The following BCL2 variants were observed in gnomAD, a reference collection of about 807,000 sequenced individuals.
BCL2 encodes apoptosis regulator Bcl-2.
BCL2 carries 1 observed loss-of-function variant against 14.2 expected under a neutral mutation model. That is an observed-to-expected ratio of 0.07 (90% CI 0.02 to 0.33). The LOEUF (loss-of-function observed/expected upper bound fraction) is 0.33. Ranked by LOEUF, BCL2 falls within the 10% of genes least tolerant of loss-of-function variation. The pLI, the probability that BCL2 is intolerant of heterozygous loss-of-function variation, is 0.99. For synonymous variants in BCL2, 151 were observed against 137.2 expected, an observed-to-expected ratio of 1.10 and a Z score of -0.70; for missense variants, 247 against 305.9, an observed-to-expected ratio of 0.81 and a Z score of 1.44.
intron 2 of BCL2, among the ~76,000 whole-genome samples, chr18:63,130,013 A>C (rs780832183): frequency 1.3e-5 from 2 of 152,132 alleles, no homozygotes; most frequent in Non-Finnish European, 2.9e-5. Flanking sequence ...TTCCATTCCT[A>C]TCTCTCCATC....
chr18:63,257,009 G>C (rs1159022096), intron 2 of BCL2, among the ~76,000 whole-genome samples: 1 of 152,200 alleles, frequency 6.6e-6, no homozygotes, highest in East Asian at 1.9e-4. Flanking sequence ...TTTTAAAATT[G>C]TGTAACTTAT....
chr18:63,216,394 GT>G (rs1413199779), intron 2 of BCL2, among the ~76,000 whole-genome samples: 8 of 96,284 alleles, frequency 8.3e-5, no homozygotes, highest in Non-Finnish European at 1.2e-4. Context: ...GGCCTTAAAT[GT>G]TTTCTAAAAA....
intron 2 of BCL2, among the ~76,000 whole-genome samples, chr18:63,266,128 C>T (rs763950631): frequency 1.3e-5 from 2 of 151,934 alleles, no homozygotes; most frequent in African/African-American, 2.4e-5. Flanking sequence ...CTAATCTCTG[C>T]GGCACTGATT....
intron 2 of BCL2, among the ~76,000 whole-genome samples, chr18:63,235,880 A>C (rs939054811): frequency 1.3e-5 from 2 of 151,888 alleles, no homozygotes; most frequent in African/African-American, 4.8e-5. Context: ...CTATATATAT[A>C]TATTTTTAAA....
rs1914586017 is a variant in BCL2 at position 63,149,260 on chromosome 18, G to T, written c.586-20501C>A. On this transcript the variant is annotated intron_variant, in intron 2 of 2. Transcript: ENST00000333681. The surrounding 1 kb of genome is among the most constrained non-coding windows in gnomAD (Gnocchi z 4.2). ...TCCAACACAGATCATCAGGCATTCG[G>T]TTCCCATAAGGAGCACACAACCTAG... 6.6e-6 allele frequency among the ~76,000 whole-genome samples: 1 copy of T among 152,192 alleles called. No homozygotes were observed. The highest frequency in any genetic ancestry group is 1.5e-5 in the Non-Finnish European group (1 of 68,048).
intron 2 of BCL2, among the ~76,000 whole-genome samples, chr18:63,260,703 T>C (rs1002590538): frequency 7.5e-5 from 10 of 133,300 alleles, no homozygotes; most frequent in African/African-American, 2.5e-4. Flanking sequence ...ATTTTAAAAA[T>C]GGAAAAAAAA....
At position 63,149,868 on chromosome 18, in the gene BCL2, T is replaced by TA. The variant is rs1011414230; in HGVS notation, c.586-21110dup. ...GCATTTATTTATTTATTTATTTATT[T>TA]ATTTATTTATTTATTTATTTATTTT... is the stretch of plus-strand genomic sequence containing the variant. On this transcript the variant is annotated intron_variant, in intron 2 of 2. Coordinates refer to ENST00000333681, the MANE Select transcript of BCL2 (RefSeq NM_000633.3). The surrounding 1 kb of genome is among the most constrained non-coding windows in gnomAD (Gnocchi z 4.2). 5.9e-5 allele frequency among the ~76,000 whole-genome samples: 9 copies of TA among 151,354 alleles called. No individual in the cohort carries two copies. Among genetic ancestry groups the TA allele is most frequent in the Non-Finnish European group, 1.0e-4 (7 of 67,872 alleles).
rs567906104 is a variant in BCL2 at position 63,289,757 on chromosome 18, G to A, written c.585+28325C>T. Among the ~76,000 whole-genome samples the A allele has an allele frequency of 9.9e-5, 15 of 152,246 alleles. No homozygotes were observed. In the South Asian group the frequency reaches 2.7e-3, roughly 27 times the overall value. On this transcript the variant is annotated intron_variant, in intron 2 of 2. Transcript: ENST00000333681. The stretch of plus-strand genomic sequence containing the variant: ...AAAAATACAAAAATTAGCCAGGCAT[G>A]GTGGTGCATGCCTGTAATCCTAGCT...
At chr18:63,137,154 T>C (rs1914228413) in intron 2 of BCL2, among the ~76,000 whole-genome samples, 1 of 152,276 alleles carries the variant, frequency 6.6e-6, no homozygotes, top group Admixed American at 6.5e-5. Flanking sequence ...GGCTCCAACC[T>C]AGTTCTCCTG....
At chr18:63,305,806 C>T (rs549390126) in intron 2 of BCL2, among the ~76,000 whole-genome samples, 28 of 152,044 alleles carry the variant, frequency 1.8e-4, no homozygotes, top group African/African-American at 6.7e-4. Context: ...GTGAGGTGAC[C>T]CATGCCTGTA....
At chr18:63,160,239 G>T (rs945036273) in intron 2 of BCL2, among the ~76,000 whole-genome samples, 1 of 152,212 alleles carries the variant, frequency 6.6e-6, no homozygotes, top group African/African-American at 2.4e-5. Flanking sequence ...AGGTAGTAAA[G>T]GTTTTGAAGA....
chr18:63,255,780 T>C (rs1202395202), intron 2 of BCL2, among the ~76,000 whole-genome samples: 1 of 151,672 alleles, frequency 6.6e-6, no homozygotes, highest in African/African-American at 2.4e-5. Context: ...CCTAGGAAGG[T>C]GCTATATATT....
At chr18:63,130,195 A>C (rs1914027811) in intron 2 of BCL2, among the ~76,000 whole-genome samples, 1 of 152,252 alleles carries the variant, frequency 6.6e-6, no homozygotes, top group African/African-American at 2.4e-5. Context: ...TAAATCAGTA[A>C]ATGAATTCTT....
At chr18:63,291,739 T>TC (rs397821857) in intron 2 of BCL2, among the ~76,000 whole-genome samples, 33 of 151,768 alleles carry the variant, frequency 2.2e-4, no homozygotes, top group African/African-American at 8.0e-4. Context: ...TTTTTTTTTT[T>TC]CTCAATAAAG....
chr18:63,155,742 C>G, intron 2 of BCL2, among the ~76,000 whole-genome samples: 1 of 152,180 alleles, frequency 6.6e-6, no homozygotes, highest in Non-Finnish European at 1.5e-5. Flanking sequence ...GCTGCTTGGC[C>G]AGATGCCAGG....
intron 2 of BCL2, among the ~76,000 whole-genome samples, chr18:63,284,846 G>A (rs968811309): frequency 3.9e-5 from 6 of 152,086 alleles, no homozygotes; most frequent in Non-Finnish European, 7.4e-5. Flanking sequence ...TCCTCCTCCC[G>A]CTGGGCCCAG....
intron 2 of BCL2, chr18:63,302,518 A>G (rs1010232753): frequency 4.1e-6 from 4 of 985,328 alleles, no homozygotes; most frequent in African/African-American, 1.7e-5. Flanking sequence ...CTAAAAAGTC[A>G]TAACATGTTG....
intron 2 of BCL2, among the ~76,000 whole-genome samples, chr18:63,174,042 A>C (rs959164152): frequency 6.6e-6 from 1 of 152,186 alleles, no homozygotes; most frequent in African/African-American, 2.4e-5. Flanking sequence ...TTTTCTGGAG[A>C]GAGGATACAT....
intron 2 of BCL2, among the ~76,000 whole-genome samples, chr18:63,270,664 G>A (rs1257703346): frequency 6.6e-6 from 1 of 152,112 alleles, no homozygotes; most frequent in African/African-American, 2.4e-5. Flanking sequence ...AGGAGGAGGA[G>A]GAAAGAAATC....
Sources: allele counts gnomAD v4.1 joint callset (sites outside exome capture counted in the v4.1 genomes callset), GRCh38; gene constraint gnomAD v4.1.1; non-coding constraint Gnocchi (gnomAD v3.1); transcripts MANE v1.5; gene names NCBI Gene and HGNC (gene_info 2026-07-23, HGNC 2026-07-21).